The following SLIT1 variants were observed in gnomAD, a reference collection of about 807,000 sequenced individuals.
The protein encoded by SLIT1 is slit guidance ligand 1, also known as slit homolog 1 protein.
Under a neutral mutation model 186.1 loss-of-function variants are expected in SLIT1, and 66 were observed. That is an observed-to-expected ratio of 0.35 (90% confidence interval 0.29 to 0.44). The LOEUF is 0.44. SLIT1 is among the 20% of genes least tolerant of loss of function. SLIT1 has a pLI of 1.00. For missense variants in SLIT1, 1,638 were observed against 2,037.4 expected, an observed-to-expected ratio of 0.80 and a Z score of 3.77; for synonymous variants, 761 against 833.8, an observed-to-expected ratio of 0.91 and a Z score of 1.50.
intron 3 of SLIT1, 43 bp from the exon 4 acceptor site, chr10:97,157,932 GA>G: frequency 7.0e-7 from 1 of 1,435,644 alleles, no homozygotes; most frequent in Non-Finnish European, 9.8e-7. Flanking sequence ...AGACAGCCAG[GA>G]AATCCAAAGG....
intron 13 of SLIT1, among the ~76,000 whole-genome samples, chr10:97,052,099 T>G (rs201644605): frequency 5.2e-5 from 4 of 77,424 alleles, no homozygotes; most frequent in Admixed American, 3.6e-4. Flanking sequence ...GGTTTTTTTT[T>G]GTTTGTTTTT....
At chr10:97,166,554 G>A (rs59419756) in intron 1 of SLIT1, among the ~76,000 whole-genome samples, 467 of 35,144 alleles carry the variant, frequency 0.013, 2 homozygotes, top group African/African-American at 0.036. Flanking sequence ...AAGGAAGGAA[G>A]GAAAGAGAGA....
intron 4 of SLIT1, among the ~76,000 whole-genome samples, chr10:97,069,787 C>T (rs562863801): frequency 2.6e-5 from 4 of 152,344 alleles, no homozygotes; most frequent in African/African-American, 7.2e-5. Flanking sequence ...AAGACATCCA[C>T]AAATTCTTTG....
chr10:97,165,771 C>T (rs1485644600), intron 1 of SLIT1, among the ~76,000 whole-genome samples: 1 of 152,104 alleles, frequency 6.6e-6, no homozygotes, highest in African/African-American at 2.4e-5. Context: ...GCGAGGCCAC[C>T]CCACCATCTG....
Position 97,004,273 on chromosome 10 carries a change from C to T in SLIT1, c.3711-51G>A, listed in dbSNP as rs1160419146. On this transcript the variant is annotated intron_variant, in intron 33 of 36. Transcript: ENST00000266058. The surrounding 1 kb of genome is among the most constrained non-coding windows in gnomAD (Gnocchi z 5.1). The stretch of plus-strand genomic sequence containing the variant: ...CCAGGGAGTGGGCATCAGTCTGGAC[C>T]ATCCCTGCCTGGGCACTTCCCCAGA... 1 of 1,556,310 alleles carries T rather than the reference C, an allele frequency of 6.4e-7. No individual in the cohort carries two copies. The highest frequency in any genetic ancestry group is 8.8e-7 in the Non-Finnish European group (1 of 1,140,188).
chr10:97,098,350 T>TGAGGG (rs1849313585), intron 4 of SLIT1, among the ~76,000 whole-genome samples: 2 of 152,050 alleles, frequency 1.3e-5, no homozygotes, highest in African/African-American at 2.4e-5. Context: ...GAGGAAGTGG[T>TGAGGG]AACTGGGATG....
chr10:97,011,251 T>A, intron 30 of SLIT1, 121 bp from the exon 31 acceptor site: 1 of 713,190 alleles, frequency 1.4e-6, no homozygotes, highest in Non-Finnish European at 2.4e-6. Context: ...CAAGTTCCAT[T>A]GAGGCTGTGG....
intron 4 of SLIT1, among the ~76,000 whole-genome samples, chr10:97,140,130 A>G (rs957243856): frequency 3.9e-5 from 6 of 152,054 alleles, no homozygotes; most frequent in African/African-American, 1.4e-4. Context: ...TCTGGCTCTG[A>G]CCATGGGGAG....
In SLIT1 at chr10:97,014,510, C is replaced by T. The variant is rs117132916; in HGVS notation, c.2970-352G>A. ...CTTCCTGGAGGAGGTGATGAATTAA[C>T]CAAGGACCTTGACAAGGGAGAGCGG... is the stretch of plus-strand genomic sequence containing the variant. On this transcript the variant is annotated intron_variant, in intron 28 of 36. Coordinates refer to ENST00000266058, the MANE Select transcript of SLIT1 (RefSeq NM_003061.3). Among the ~76,000 whole-genome samples, 810 of 152,266 alleles carry T rather than the reference C, an allele frequency of 5.3e-3. 4 individuals are homozygous for T. Among genetic ancestry groups the T allele is most frequent in the Non-Finnish European group, 8.7e-3 (593 of 68,016 alleles).
chr10:97,166,611 G>GAGA (rs757594382), intron 1 of SLIT1, among the ~76,000 whole-genome samples: 2 of 56,594 alleles, frequency 3.5e-5, no homozygotes, highest in Non-Finnish European at 3.6e-5. Context: ...AAGAAAGAAA[G>GAGA]AAAGAAAGAA....
chr10:97,019,387 T>C (rs1254008331), intron 26 of SLIT1, among the ~76,000 whole-genome samples: 1 of 152,160 alleles, frequency 6.6e-6, no homozygotes, highest in Admixed American at 6.5e-5. Context: ...GGGCGGGCAC[T>C]GTGCACAGTG....
At chr10:97,100,709 AG>A (rs1849342758) in intron 4 of SLIT1, among the ~76,000 whole-genome samples, 1 of 152,208 alleles carries the variant, frequency 6.6e-6, no homozygotes, top group Admixed American at 6.5e-5. Context: ...CAATAATAAA[AG>A]TCAGTTCATT....
chr10:97,069,355 C>T (rs533467587), intron 4 of SLIT1, among the ~76,000 whole-genome samples: 37 of 152,228 alleles, frequency 2.4e-4, no homozygotes, highest in Non-Finnish European at 2.8e-4. Flanking sequence ...GTGCATGGTC[C>T]ACCCTAGAGC....
chr10:97,049,267 G>A, intron 13 of SLIT1, 149 bp from the exon 14 acceptor site: 1 of 911,136 alleles, frequency 1.1e-6, no homozygotes, highest in Non-Finnish European at 1.6e-6. Flanking sequence ...AGAGAGAGTG[G>A]GGTGAACCCC....
At position 97,031,691 on chromosome 10, in the gene SLIT1, A is replaced by G. The variant is rs758803298; in HGVS notation, c.2439-14T>C. On this transcript the variant is annotated splice_polypyrimidine_tract_variant and intron_variant, in intron 23 of 36. Transcript: ENST00000266058. Reference sequence around the variant, plus strand: ...TAGCTGAGGATCCTGCGGAGGAAGGAGATGGAGGAAGGGCACTGTGTTAGT... The same window carrying G: ...TAGCTGAGGATCCTGCGGAGGAAGGGGATGGAGGAAGGGCACTGTGTTAGT... The G allele has an allele frequency of 2.8e-5, 43 of 1,548,226 alleles. No individual in the cohort carries two copies. Among genetic ancestry groups the G allele is most frequent in the Middle Eastern group, 3.7e-4 (2 of 5,436 alleles).
At chr10:97,107,179 C>A (rs1411811797) in intron 4 of SLIT1, among the ~76,000 whole-genome samples, 1 of 152,226 alleles carries the variant, frequency 6.6e-6, no homozygotes, top group Non-Finnish European at 1.5e-5. Flanking sequence ...AAGCACTCTA[C>A]CTGAGGGAAG....
intron 4 of SLIT1, among the ~76,000 whole-genome samples, chr10:97,070,042 G>C (rs759105509): frequency 2.6e-5 from 4 of 152,156 alleles, no homozygotes; most frequent in Non-Finnish European, 5.9e-5. Context: ...GAGAGGAACC[G>C]AGGCCTCTCG....
chr10:97,088,488 A>C (rs113353758), intron 4 of SLIT1, among the ~76,000 whole-genome samples: 42 of 152,322 alleles, frequency 2.8e-4, no homozygotes, highest in African/African-American at 8.2e-4. Flanking sequence ...CATTGGTGAC[A>C]TCTGACCAGT....
rs549322273 is a variant in SLIT1, at chr10:97,143,638, T to C, written c.413+14180A>G. On this transcript the variant is annotated intron_variant, in intron 4 of 36. Coordinates refer to ENST00000266058, the MANE Select transcript of SLIT1 (RefSeq NM_003061.3). ...ATCACAATTTTAGAAAAGCCACTAT[T>C]GATGAGAGGTAGGACAGCCTAGAAC... Among the ~76,000 whole-genome samples, 514 of 152,270 alleles carry C rather than the reference T, an allele frequency of 3.4e-3. 5 individuals carry two copies. Among genetic ancestry groups the C allele is most frequent in the African/African-American group, 0.012 (498 of 41,542 alleles).
Sources: allele counts gnomAD v4.1 joint callset (sites outside exome capture counted in the v4.1 genomes callset), GRCh38; gene constraint gnomAD v4.1.1; non-coding constraint Gnocchi (gnomAD v3.1); transcripts MANE v1.5; gene names NCBI Gene and HGNC (gene_info 2026-07-23, HGNC 2026-07-21).